Variants in PLXNA4 observed in about 807,000 individuals in gnomAD.
PLXNA4 encodes plexin A4.
A neutral mutation model predicts 191.8 loss-of-function variants in PLXNA4; 44 were observed. The ratio of observed to expected loss-of-function variants is 0.23; its 90% confidence interval spans 0.18 to 0.29. PLXNA4 has a LOEUF of 0.29. Among genes scored for constraint, PLXNA4 ranks in the 10% least tolerant of loss-of-function variants. PLXNA4 has a pLI of 1.00. For missense variants in PLXNA4, 1,800 were observed against 2,488.8 expected (o/e 0.72, Z 5.89); for synonymous variants, 1,082 against 1,009.5 (o/e 1.07, Z -1.36).
intron 4 of PLXNA4, among the ~76,000 whole-genome samples, chr7:132,262,282 G>A (rs951478411): frequency 2.6e-5 from 4 of 152,240 alleles, no homozygotes; most frequent in East Asian, 1.9e-4. Flanking sequence ...CTGCCTTGCC[G>A]CTCGGGGGCT....
chr7:132,504,404 G>A (rs896952560), intron 2 of PLXNA4, among the ~76,000 whole-genome samples: 7 of 152,288 alleles, frequency 4.6e-5, no homozygotes, highest in Non-Finnish European at 5.9e-5. Flanking sequence ...TGCGGATCCC[G>A]GCTCTGAGTT....
intron 3 of PLXNA4, among the ~76,000 whole-genome samples, chr7:132,460,292 G>A (rs936976501): frequency 5.9e-5 from 9 of 151,702 alleles, no homozygotes; most frequent in African/African-American, 9.7e-5. Context: ...CCGGGAAGTC[G>A]AGGCTGCAGT....
At chr7:132,214,688 T>C (rs1227658700) in intron 9 of PLXNA4, among the ~76,000 whole-genome samples, 1 of 152,120 alleles carries the variant, frequency 6.6e-6, no homozygotes, top group Non-Finnish European at 1.5e-5. Context: ...CCCGAGGCCC[T>C]GTTTCATGGC....
chr7:132,561,887 T>C (rs1442801379), intron 1 of PLXNA4, among the ~76,000 whole-genome samples: 3 of 102,764 alleles, frequency 2.9e-5, no homozygotes, highest in African/African-American at 3.8e-5. Flanking sequence ...CCTTCTCCTC[T>C]GCCTTCTCCT....
intron 3 of PLXNA4, among the ~76,000 whole-genome samples, chr7:132,374,862 G>C (rs1343102831): frequency 1.3e-5 from 2 of 152,190 alleles, no homozygotes; most frequent in East Asian, 1.9e-4. Flanking sequence ...TTTCTGCAGG[G>C]AAAATGTATG....
At chr7:132,224,801 G>A (rs7795320) in intron 8 of PLXNA4, among the ~76,000 whole-genome samples, 68,276 of 151,976 alleles carry the variant, frequency 0.45, 15,831 homozygotes, top group South Asian at 0.62. Flanking sequence ...TCTTACTTGG[G>A]GCCCCAAAGA....
intron 4 of PLXNA4, among the ~76,000 whole-genome samples, chr7:132,274,912 T>C (rs1434163825): frequency 6.6e-6 from 1 of 151,970 alleles, no homozygotes. Flanking sequence ...CCAGCCTCAG[T>C]GCATCATATC....
At chr7:132,497,327 T>C (rs530618516) in intron 2 of PLXNA4, among the ~76,000 whole-genome samples, 18 of 152,332 alleles carry the variant, frequency 1.2e-4, no homozygotes, top group East Asian at 3.9e-4. Flanking sequence ...CACCCACTTA[T>C]TGGGAACCGT....
chr7:132,414,341 T>G (rs1282823888), intron 3 of PLXNA4, among the ~76,000 whole-genome samples: 1 of 152,206 alleles, frequency 6.6e-6, no homozygotes, highest in Non-Finnish European at 1.5e-5. Context: ...GGAAACTCTC[T>G]TTTCATTTTT....
At chr7:132,325,251 T>A (rs1407472085) in intron 3 of PLXNA4, among the ~76,000 whole-genome samples, 1 of 152,192 alleles carries the variant, frequency 6.6e-6, no homozygotes, top group Non-Finnish European at 1.5e-5. Context: ...CCTCAGAGCA[T>A]TGAAGAAGCT....
In PLXNA4 at chr7:132,456,733, T is replaced by C. The variant is rs116797083; in HGVS notation, c.1371+32559A>G. ...GGAGGGGAGGAGGGCTGGGGAGGAGTTGACGAATCAATCAGAAAGGCTGAG... is the reference window on the plus strand; with the variant it reads ...GGAGGGGAGGAGGGCTGGGGAGGAGCTGACGAATCAATCAGAAAGGCTGAG... On this transcript the variant is annotated intron_variant, in intron 3 of 31. Coordinates refer to ENST00000321063, the MANE Select transcript of PLXNA4 (RefSeq NM_020911.2). Among the ~76,000 whole-genome samples the C allele has an allele frequency of 3.9e-3, 558 of 144,770 alleles. 3 individuals are homozygous for C. Among genetic ancestry groups the C allele is most frequent in the African/African-American group, 0.014 (527 of 38,950 alleles). 95.0% of individuals were successfully genotyped at this position (144,770 alleles called of 152,430 possible).
chr7:132,145,437 T>C (rs576472302), intron 28 of PLXNA4, 149 bp from the exon 29 acceptor site: 1 of 1,039,808 alleles, frequency 9.6e-7, no homozygotes, highest in Non-Finnish European at 1.4e-6. Context: ...CATTAAATCA[T>C]TTTTTCCCAT....
intron 3 of PLXNA4, among the ~76,000 whole-genome samples, chr7:132,426,674 C>G (rs1795058522): frequency 2.0e-5 from 3 of 152,030 alleles, no homozygotes; most frequent in Admixed American, 2.0e-4. Flanking sequence ...CAGACAGTTT[C>G]AAAACATATA....
At chr7:132,418,945 G>A (rs1016738729) in intron 3 of PLXNA4, among the ~76,000 whole-genome samples, 4 of 152,102 alleles carry the variant, frequency 2.6e-5, no homozygotes, top group Admixed American at 6.5e-5. Context: ...AATTGTATCC[G>A]TGACACTTTT....
intron 2 of PLXNA4, among the ~76,000 whole-genome samples, chr7:132,629,016 G>A (rs1327715171): frequency 1.3e-5 from 2 of 152,184 alleles, no homozygotes; most frequent in Non-Finnish European, 2.9e-5. Flanking sequence ...CTGATTGAAA[G>A]CTCTGTCACT....
chr7:132,214,838 C>T (rs1360776642), intron 9 of PLXNA4, among the ~76,000 whole-genome samples: 1 of 152,152 alleles, frequency 6.6e-6, no homozygotes, highest in Admixed American at 6.5e-5. Context: ...TGAACAAGTG[C>T]TCTCACCATT....
intron 3 of PLXNA4, among the ~76,000 whole-genome samples, chr7:132,345,749 G>GT (rs1803220799): frequency 6.6e-6 from 1 of 152,188 alleles, no homozygotes; most frequent in African/African-American, 2.4e-5. Flanking sequence ...TGGCAGAACA[G>GT]TCCCAGCCTC....
chr7:132,227,411 AG>A (rs781570772), intron 7 of PLXNA4, 39 bp downstream of exon 7: 7 of 1,613,152 alleles, frequency 4.3e-6, no homozygotes, highest in Non-Finnish European at 5.9e-6. Flanking sequence ...TCTAGCCAGG[AG>A]GAAGAAGTGC....
intron 2 of PLXNA4, among the ~76,000 whole-genome samples, chr7:132,493,308 C>T (rs1344170725): frequency 6.6e-6 from 1 of 152,206 alleles, no homozygotes; most frequent in Non-Finnish European, 1.5e-5. Context: ...TGGGGCTGGC[C>T]TCCTGTCACT....
Sources: gnomAD v4.1 joint callset for allele counts (sites outside exome capture counted in the v4.1 genomes callset) on GRCh38, gnomAD v4.1.1 for gene constraint, MANE v1.5 for transcripts, NCBI Gene and HGNC (gene_info 2026-07-23, HGNC 2026-07-21) for gene names.